Variants in AFF1 observed in about 807,000 individuals in gnomAD.
The protein encoded by AFF1 is AF4/FMR2 family member 1.
Under a neutral mutation model 121.7 loss-of-function variants are expected in AFF1, and 48 were observed. That is an observed-to-expected ratio of 0.39 (90% CI 0.31 to 0.50). The LOEUF is 0.50. AFF1 is among the 20% of genes least tolerant of loss of function. The pLI, the probability that AFF1 is intolerant of heterozygous loss-of-function variation, is 0.76. For synonymous variants in AFF1, 613 were observed against 563.0 expected, an observed-to-expected ratio of 1.09 and a Z score of -1.26; for missense variants, 1,523 against 1,511.7, an observed-to-expected ratio of 1.01 and a Z score of -0.12.
intron 2 of AFF1, among the ~76,000 whole-genome samples, chr4:86,949,023 T>C (rs1204003804): frequency 2.0e-5 from 3 of 152,156 alleles, no homozygotes; most frequent in African/African-American, 4.8e-5. Context: ...TTTAGTGCCT[T>C]CTTGCATATA....
chr4:87,007,867 C>T (rs1046235925), intron 2 of AFF1, among the ~76,000 whole-genome samples: 5 of 152,050 alleles, frequency 3.3e-5, no homozygotes, highest in African/African-American at 4.8e-5. Flanking sequence ...TGAGAATTTG[C>T]CTGGTGAGTG....
intron 4 of AFF1, among the ~76,000 whole-genome samples, chr4:87,057,679 A>G (rs1160439261): frequency 2.6e-5 from 4 of 152,216 alleles, no homozygotes; most frequent in African/African-American, 9.6e-5. Flanking sequence ...GTTTATTGAA[A>G]TGTACTTTAG....
chr4:87,069,771 A>T (rs2149674274), intron 4 of AFF1, among the ~76,000 whole-genome samples: 1 of 152,196 alleles, frequency 6.6e-6, no homozygotes. Flanking sequence ...ATTTGAAAGA[A>T]ATTCAAAACA....
chr4:86,965,173 C>G (rs190074786), intron 2 of AFF1, among the ~76,000 whole-genome samples: 1 of 152,310 alleles, frequency 6.6e-6, no homozygotes, highest in Admixed American at 6.5e-5. Context: ...ATTGTTGACT[C>G]AACTGTTGAA....
rs970914277 is a variant in AFF1, at chr4:87,022,057, T to C, written c.39-24109T>C. Among the ~76,000 whole-genome samples, 7 of 151,938 alleles carry C rather than the reference T, an allele frequency of 4.6e-5. 1 individual carries two copies. Among genetic ancestry groups the C allele is most frequent in the African/African-American group, 1.2e-4 (5 of 41,344 alleles). ...ATCTCTACTAAAAATACAAAAAAAT[T>C]AGCCAGGCGTGGTGGCGGGTGCCTG... On this transcript the variant is annotated intron_variant, in intron 2 of 20. Coordinates refer to ENST00000395146, the MANE Select transcript of AFF1 (RefSeq NM_001166693.3).
chr4:87,006,947 G>A, intron 2 of AFF1: 1 of 1,027,538 alleles, frequency 9.7e-7, no homozygotes, highest in Non-Finnish European at 1.2e-6. Flanking sequence ...TCTTGACAGG[G>A]GGTATCCCGG....
At chr4:87,082,326 C>T (rs186400681) in intron 4 of AFF1, among the ~76,000 whole-genome samples, 129 of 152,136 alleles carry the variant, frequency 8.5e-4, no homozygotes, top group Non-Finnish European at 1.7e-3. Context: ...AAATAGAGCA[C>T]AAATGTTTGG....
rs141475433 is a variant in AFF1 at position 87,089,069 on chromosome 4, C to T, written c.1105-915C>T. ...CATGTCGAGTATTAAGCCAGTTTGC[C>T]GGGCAGGTCTGACACATGTGGGAAC... is the stretch of plus-strand genomic sequence containing the variant. On this transcript the variant is annotated intron_variant, in intron 5 of 20. Coordinates refer to ENST00000395146, the MANE Select transcript of AFF1 (RefSeq NM_001166693.3). 6.5e-3 allele frequency among the ~76,000 whole-genome samples: 993 copies of T among 152,136 alleles called. 5 individuals carry two copies. Among genetic ancestry groups the T allele is most frequent in the Non-Finnish European group, 0.011 (731 of 67,978 alleles).
At chr4:87,089,352 T>C (rs978960498) in intron 5 of AFF1, among the ~76,000 whole-genome samples, 5 of 152,234 alleles carry the variant, frequency 3.3e-5, no homozygotes, top group African/African-American at 1.2e-4. Context: ...TTGTAAGTTT[T>C]AGAAATCTTT....
At chr4:87,036,919 C>A in intron 2 of AFF1, 1 of 390,106 alleles carries the variant, frequency 2.6e-6, no homozygotes, top group Non-Finnish European at 5.0e-6. Flanking sequence ...GTAACCTCTG[C>A]CTCTCAGGCT....
chr4:87,002,202 C>A (rs1435061748), intron 2 of AFF1, among the ~76,000 whole-genome samples: 1 of 151,490 alleles, frequency 6.6e-6, no homozygotes, highest in Non-Finnish European at 1.5e-5. Context: ...AGGTGATCCC[C>A]CTGCCTTAGC....
intron 2 of AFF1, among the ~76,000 whole-genome samples, chr4:86,995,324 C>T (rs62306477): frequency 4.2e-5 from 5 of 118,992 alleles, no homozygotes; most frequent in African/African-American, 1.9e-4. Context: ...CCACGGTCTC[C>T]CTCTCCCTCT....
chr4:87,126,198 G>A lies in AFF1; in HGVS notation c.2673G>A (p.Arg891=), dbSNP rs1728227564. The change falls in exon 14 of 21, where the codon AGG becomes AGA. Residue 891 remains arginine (R), a synonymous_variant. Transcript: ENST00000395146. ...SQKPAKPALK[R]SRREADTCGQ... ...AGCCAGCCAAGCCTGCACTTAAGAG[G>A]TCAAGGCGGGAAGCAGACACCTGTG... 1.2e-6 allele frequency: 2 copies of A among 1,614,134 alleles called. No individual in the cohort carries two copies. The highest frequency in any genetic ancestry group is 3.3e-5 in the Admixed American group (2 of 60,026).
intron 2 of AFF1, among the ~76,000 whole-genome samples, chr4:87,017,545 C>G (rs1727427995): frequency 6.6e-6 from 1 of 152,206 alleles, no homozygotes; most frequent in African/African-American, 2.4e-5. Context: ...AACTCCACAA[C>G]TCATAAACCC....
At chr4:86,957,881 A>AAAAC (rs778961567) in intron 2 of AFF1, among the ~76,000 whole-genome samples, 1 of 152,058 alleles carries the variant, frequency 6.6e-6, no homozygotes, top group Non-Finnish European at 1.5e-5. Flanking sequence ...CATACTTAAA[A>AAAAC]AAACAAACAA....
intron 4 of AFF1, among the ~76,000 whole-genome samples, chr4:87,071,326 A>T (rs1457075193): frequency 2.0e-5 from 3 of 152,184 alleles, no homozygotes; most frequent in Non-Finnish European, 4.4e-5. Context: ...TAGAAGAGAT[A>T]ATAAAACAGA....
chr4:87,013,727 G>GCTGGAT (rs1727030678), intron 2 of AFF1, among the ~76,000 whole-genome samples: 1 of 144,706 alleles, frequency 6.9e-6, no homozygotes, highest in Non-Finnish European at 1.5e-5. Context: ...CAAATAAAAA[G>GCTGGAT]TAAAAGGCTA....
Position 87,115,036 on chromosome 4 carries a change from G to A in AFF1, c.2203G>A (p.Val735Met), listed in dbSNP as rs1274881872. ...CAGGACTAGTGGCTGCCGCCAAGCC[G>A]TGGTGGTCCAGGAGGACAGCCGCAA... is the stretch of plus-strand genomic sequence containing the variant. ...GSRTSGCRQA[V>M]VVQEDSRKDR... The change falls in exon 12 of 21, where the codon GTG becomes ATG. Residue 735 changes from valine to methionine, a missense_variant. By Grantham distance (21) the Val-to-Met change is conservative. Around this residue, in one of 5 missense-constraint regions of AFF1, gnomAD observed 905 missense variants for 842.5 expected, o/e 1.07. Coordinates refer to ENST00000395146, the MANE Select transcript of AFF1 (RefSeq NM_001166693.3). The A allele has an allele frequency of 9.3e-6, 15 of 1,614,052 alleles. 1 individual carries two copies. The highest frequency in any genetic ancestry group is 5.0e-5 in the Admixed American group (3 of 60,008).
intron 2 of AFF1, among the ~76,000 whole-genome samples, chr4:87,025,356 A>G (rs897756463): frequency 1.3e-5 from 2 of 152,230 alleles, no homozygotes; most frequent in Non-Finnish European, 2.9e-5. Flanking sequence ...TATTTTAGAG[A>G]GGACGAAACT....
Sources: allele counts gnomAD v4.1 joint callset (sites outside exome capture counted in the v4.1 genomes callset), GRCh38; gene constraint gnomAD v4.1.1; regional missense constraint gnomAD v4.1.1; transcripts MANE v1.5; gene names NCBI Gene and HGNC (gene_info 2026-07-23, HGNC 2026-07-21).